The following NPHS1 variants were observed in gnomAD, a reference collection of about 807,000 sequenced individuals.
The protein encoded by NPHS1 is nephrin.
Under a neutral mutation model 139.7 loss-of-function variants are expected in NPHS1, and 107 were observed. The ratio of observed to expected loss-of-function variants is 0.77; its 90% CI spans 0.66 to 0.90. The LOEUF (loss-of-function observed/expected upper bound fraction) is 0.90. Ranked by LOEUF, NPHS1 falls within the 40% of genes least tolerant of loss-of-function variation. NPHS1 has a pLI of 0.00. For missense variants in NPHS1, 1,580 were observed against 1,654.2 expected (o/e 0.96, Z 0.78); for synonymous variants, 707 against 706.6 (o/e 1.00, Z -0.01).
Position 35,848,703 on chromosome 19 carries a change from C to G in NPHS1, c.1104G>C (p.Pro368=). The part of the protein sequence containing the change: ...TLSCVSKSSR[P]RVLLRWWLGW... ...CCAGCCACCATCGTAGCAGAACCCGCGGGCGACTGGACTTGCTGACACAGG... is the reference window on the plus strand; with the variant it reads ...CCAGCCACCATCGTAGCAGAACCCGGGGGCGACTGGACTTGCTGACACAGG... The change falls in exon 9 of 29, where the codon CCG becomes CCC. Residue 368 remains proline (P), a synonymous_variant. Transcript: ENST00000378910. 6.2e-7 allele frequency: 1 copy of G among 1,614,132 alleles called. No individual in the cohort carries two copies. The highest frequency in any genetic ancestry group is 8.5e-7 in the Non-Finnish European group (1 of 1,180,038).
chr19:35,826,595 T>A lies in NPHS1; in HGVS notation c.3645A>T (p.Gly1215=), dbSNP rs763328729. Reference sequence around the variant, plus strand: ...AGTCTCCGGCCACCTGGTCATAGATTCCTCTTGGATCCTGATATGTGTCTT... The same window carrying A: ...AGTCTCCGGCCACCTGGTCATAGATACCTCTTGGATCCTGATATGTGTCTT... ...WPEDTYQDPR[G]IYDQVAGDLD... is the part of the protein sequence containing the mutation. Residue 1215 remains glycine, a synonymous_variant, in exon 29 of 29, where the codon GGA becomes GGT. Transcript: ENST00000378910. 1.2e-6 allele frequency: 2 copies of A among 1,614,024 alleles called. No individual in the cohort carries two copies. The highest frequency in any genetic ancestry group is 1.7e-6 in the Non-Finnish European group (2 of 1,179,996).
chr19:35,849,132 A>G lies in NPHS1; in HGVS notation c.856T>C (p.Ser286Pro), dbSNP rs1973189869. 6.2e-7 allele frequency: 1 copy of G among 1,609,942 alleles called. No individual in the cohort carries two copies. The highest frequency in any genetic ancestry group is 1.7e-5 in the Admixed American group (1 of 60,012). The change falls in exon 8 of 29, where the codon TCC becomes CCC. Residue 286 changes from serine to proline, a missense_variant. Physicochemically the swap from Ser to Pro is moderately conservative, Grantham distance 74 (BLOSUM62 -1). Coordinates refer to ENST00000378910, the MANE Select transcript of NPHS1 (RefSeq NM_004646.4). ...LQWLKNGQPV[S>P]TAWGTEHTQA... The stretch of plus-strand genomic sequence containing the variant: ...GTGTGCTCTGTGCCCCACGCTGTGG[A>G]CACCGGCTGGCCATTCTGGAGACAG...
chr19:35,840,578 C>T (rs1053866201), intron 20 of NPHS1, among the ~76,000 whole-genome samples: 1 of 152,240 alleles, frequency 6.6e-6, no homozygotes, highest in East Asian at 1.9e-4. Flanking sequence ...TCGTGATCCA[C>T]CCGCCTCGGC....
rs768870360 is a variant in NPHS1 at position 35,848,108 on chromosome 19, C to G, written c.1373G>C (p.Gly458Ala). Reference sequence around the variant, plus strand: ...CAAACACACCAGCCTCACCCGGGTCCCAGCCCGGAGCTTCTGGCCCTCTGG... The same window carrying G: ...CAAACACACCAGCCTCACCCGGGTCGCAGCCCGGAGCTTCTGGCCCTCTGG... ...GPPEGQKLRA[G>A]TRVRLVCLAI... is the part of the protein sequence containing the mutation. Residue 458 changes from glycine to alanine, a missense_variant, in exon 11 of 29, where the codon GGG becomes GCG. Gly to Ala is a moderately conservative substitution (Grantham distance 60). Transcript: ENST00000378910. 6.2e-7 allele frequency: 1 copy of G among 1,614,080 alleles called. No homozygotes were observed. Among genetic ancestry groups the G allele is most frequent in the South Asian group, 1.1e-5 (1 of 91,084 alleles).
chr19:35,839,475 C>T (rs368158509), intron 21 of NPHS1, 21 bp downstream of exon 21: 52 of 1,613,722 alleles, frequency 3.2e-5, no homozygotes, highest in Non-Finnish European at 4.3e-5. Context: ...TCCCTTCCCT[C>T]CTGCCTCGAC....
rs370577012 is a variant in NPHS1 at position 35,844,850 on chromosome 19, T to C, written c.1931-391A>G. 3.6e-3 allele frequency among the ~76,000 whole-genome samples: 544 copies of C among 152,234 alleles called. 3 individuals carry two copies. Among genetic ancestry groups the C allele is most frequent in the African/African-American group, 0.012 (514 of 41,530 alleles). ...TGTCAAAGCAAAGACCCAGGCCAGG[T>C]GCAGTGGCTCACGCCTATAATCCCA... On this transcript the variant is annotated intron_variant, in intron 14 of 28. Transcript: ENST00000378910.
chr19:35,850,950 C>T lies in NPHS1; in HGVS notation c.526+11G>A, dbSNP rs1372651804. 6.2e-7 allele frequency: 1 copy of T among 1,613,740 alleles called. No individual in the cohort carries two copies. The highest frequency in any genetic ancestry group is 1.3e-5 in the African/African-American group (1 of 74,940). On this transcript the variant is annotated intron_variant, in intron 4 of 28. Coordinates refer to ENST00000378910, the MANE Select transcript of NPHS1 (RefSeq NM_004646.4). ...ATGCTGCCCCCTGCCACCCAGTTCA[C>T]CCACACTCACTCAGGAGAATGGTGA...
rs542215551 is a variant in NPHS1 at position 35,825,622 on chromosome 19, A to G, written c.*892T>C. 1.3e-5 allele frequency among the ~76,000 whole-genome samples: 2 copies of G among 152,226 alleles called. No individual in the cohort carries two copies. Among genetic ancestry groups the G allele is most frequent in the African/African-American group, 4.8e-5 (2 of 41,540 alleles). On this transcript the variant is annotated 3_prime_UTR_variant, in exon 29 of 29. Transcript: ENST00000378910. The stretch of plus-strand genomic sequence containing the variant: ...CGTAGATTAGTTTTGCCTATTTTAG[A>G]ATTTCTATAAACGAAAGCACACACA...
rs772222126 is a variant in NPHS1 at position 35,851,482 on chromosome 19, G to A, written c.249C>T (p.Tyr83=). 3.7e-6 allele frequency: 6 copies of A among 1,613,590 alleles called. No homozygotes were observed. Among genetic ancestry groups the A allele is most frequent in the Non-Finnish European group, 5.1e-6 (6 of 1,179,974 alleles). The stretch of plus-strand genomic sequence containing the variant: ...CTCTAGCAGGGTCCCCTTCCAGGCG[G>A]TACCTCGGGAAGCCTGGGATCCTGG... The part of the protein sequence containing the change: ...PDPRIPGFPR[Y]RLEGDPARGE... The change falls in exon 2 of 29, where the codon TAC becomes TAT. Residue 83 remains tyrosine (Y), a synonymous_variant. Transcript: ENST00000378910.
At chr19:35,839,102 T>C (rs1973016975) in intron 22 of NPHS1, 135 bp downstream of exon 22, 2 of 813,308 alleles carry the variant, frequency 2.5e-6, no homozygotes, top group Non-Finnish European at 2.1e-6. Flanking sequence ...TTACTAGTTG[T>C]GTGACCTTGG....
At chr19:35,850,933 C>T (rs779237762) in intron 4 of NPHS1, 28 bp downstream of exon 4, 14 of 1,613,178 alleles carry the variant, frequency 8.7e-6, no homozygotes, top group Non-Finnish European at 1.1e-5. Context: ...TCATGCTGCC[C>T]CCTGCCACCC....
At position 35,851,393 on chromosome 19, in the gene NPHS1, G is replaced by T. The variant is rs1973255712; in HGVS notation, c.275-9C>A. On this transcript the variant is annotated splice_polypyrimidine_tract_variant and intron_variant, in intron 2 of 28. Coordinates refer to ENST00000378910, the MANE Select transcript of NPHS1 (RefSeq NM_004646.4). The stretch of plus-strand genomic sequence containing the variant: ...GTGCAGGTGGAATTCACCTGCAGGG[G>T]GAGCCGGAAGTCAGGGCCGCAGCTT... 6.2e-7 allele frequency: 1 copy of T among 1,612,782 alleles called. No homozygotes were observed. The highest frequency in any genetic ancestry group is 1.3e-5 in the African/African-American group (1 of 74,914).
chr19:35,831,509 A>C lies in NPHS1; in HGVS notation c.3287-9T>G. ...TGTCTTCTCTGAGATGCCTGAAGGA[A>C]ACAGGAATAAAGGGCTCAGTGACCC... On this transcript the variant is annotated splice_polypyrimidine_tract_variant and intron_variant, in intron 24 of 28. Transcript: ENST00000378910. 6.2e-7 allele frequency: 1 copy of C among 1,613,964 alleles called. No individual in the cohort carries two copies. The highest frequency in any genetic ancestry group is 8.5e-7 in the Non-Finnish European group (1 of 1,179,946).
rs755175583 is a variant in NPHS1 at position 35,830,910 on chromosome 19, A to G, written c.3528T>C (p.Tyr1176=). Residue 1176 remains tyrosine, a synonymous_variant, in exon 28 of 29, where the codon TAT becomes TAC. Coordinates refer to ENST00000378910, the MANE Select transcript of NPHS1 (RefSeq NM_004646.4). ...GGGGGTACGTTCTTTCTACCTCATC[A>G]TACAAGTGCCCAGGGAAGGCCATAT... ...DEDMAFPGHL[Y]DEVERTYPPS... 2 of 1,614,088 alleles carry G rather than the reference A, an allele frequency of 1.2e-6. No individual in the cohort carries two copies. Among genetic ancestry groups the G allele is most frequent in the Non-Finnish European group, 8.5e-7 (1 of 1,179,952 alleles).
rs200269176 is a variant in NPHS1, at chr19:35,841,806, G to A, written c.2724C>T (p.Asn908=). The A allele has an allele frequency of 3.1e-5, 50 of 1,614,002 alleles. No individual in the cohort carries two copies. Among genetic ancestry groups the A allele is most frequent in the African/African-American group, 9.3e-5 (7 of 74,916 alleles). Residue 908 remains asparagine (N), a synonymous_variant, in exon 20 of 29, where the codon AAC becomes AAT. Transcript: ENST00000378910. ...GVHSSLLTIA[N]VSAAQDYALF... is the part of the protein sequence containing the mutation. ...GGGCGTAATCCTGGGCGGCAGACAC[G>A]TTGGCAATGGTCAGGAGGCTGCTGT... is the stretch of plus-strand genomic sequence containing the variant.
chr19:35,848,974 A>G lies in NPHS1; in HGVS notation c.1012+2T>C. 2 of 1,611,736 alleles carry G rather than the reference A, an allele frequency of 1.2e-6. No homozygotes were observed. The highest frequency in any genetic ancestry group is 2.2e-5 in the South Asian group (2 of 91,032). On this transcript the variant is annotated splice_donor_variant, in intron 8 of 28. Transcript: ENST00000378910. LOFTEE classifies it high-confidence loss of function. ...AGGGGGGCAGCTGGCACCAGGACTC[A>G]CAGGTGACCTGCAGTGTGATGCCGT...
chr19:35,834,681 G>A (rs1338657408), intron 23 of NPHS1, among the ~76,000 whole-genome samples: 1 of 151,752 alleles, frequency 6.6e-6, no homozygotes, highest in Admixed American at 6.6e-5. Context: ...CATGAGGTCA[G>A]GAGTTAAAGA....
At chr19:35,826,776 T>G (rs1972805985) in intron 28 of NPHS1, 131 bp from the exon 29 acceptor site, 1 of 979,802 alleles carries the variant, frequency 1.0e-6, no homozygotes, top group African/African-American at 1.6e-5. Context: ...AATCCCAACA[T>G]ATACAAAAAA....
chr19:35,842,190 C>T lies in NPHS1; in HGVS notation c.2597G>A (p.Arg866Gln), dbSNP rs868576714. 93 of 1,611,604 alleles carry T rather than the reference C, an allele frequency of 5.8e-5. No individual in the cohort carries two copies. The highest frequency in any genetic ancestry group is 7.4e-5 in the Non-Finnish European group (87 of 1,179,156). ...TSSATLHCRA[R>Q]GVPNIVFTWT... ...AGTGAAAACGATGTTGGGGACACCT[C>T]GGGCACGGCAGTGGAGGGTGGCAGA... Residue 866 changes from arginine (R) to glutamine (Q), a missense_variant, in exon 19 of 29, where the codon CGA (arginine) becomes CAA (glutamine). By Grantham distance (43) the Arg-to-Gln change is conservative. Coordinates refer to ENST00000378910, the MANE Select transcript of NPHS1 (RefSeq NM_004646.4).
Sources: gnomAD v4.1 joint callset for allele counts (sites outside exome capture counted in the v4.1 genomes callset) on GRCh38, gnomAD v4.1.1 for gene constraint, MANE v1.5 for transcripts, NCBI Gene and HGNC (gene_info 2026-07-23, HGNC 2026-07-21) for gene names.